Variants in ATP9B observed in about 807,000 individuals in gnomAD.
ATP9B encodes ATPase phospholipid transporting 9B.
In ATP9B, 110 loss-of-function variants were observed where a neutral mutation model predicts 146.1. The ratio of observed to expected loss-of-function variants is 0.75; its 90% CI spans 0.65 to 0.88. The LOEUF is 0.88. Ranked by LOEUF, ATP9B falls within the 40% of genes least tolerant of loss-of-function variation. ATP9B has a pLI of 0.00. For missense variants in ATP9B, 1,499 were observed against 1,496.4 expected (o/e 1.00, Z -0.03); for synonymous variants, 604 against 569.7 (o/e 1.06, Z -0.86).
chr18:79,289,226 A>C (rs2096476485), intron 13 of ATP9B, among the ~76,000 whole-genome samples: 1 of 152,086 alleles, frequency 6.6e-6, no homozygotes, highest in South Asian at 2.1e-4. Context: ...ACTTGGTTCC[A>C]TTCTCCCCGT....
chr18:79,105,303 C>G (rs980931308), intron 2 of ATP9B, among the ~76,000 whole-genome samples: 1 of 152,110 alleles, frequency 6.6e-6, no homozygotes, highest in African/African-American at 2.4e-5. Context: ...TTTGGTGGCT[C>G]AAAGAATAGA....
In ATP9B at chr18:79,359,623, ATT is replaced by A. The variant is rs1165120464; in HGVS notation, c.3012+164_3012+165del. The A allele has an allele frequency of 1.5e-5, 9 of 619,016 alleles. No individual in the cohort carries two copies. In the East Asian group the frequency reaches 2.5e-4, roughly 17 times the overall value. 38.3% of individuals were successfully genotyped at this position (619,016 alleles called of 1,614,324 possible). A position where few individuals can be genotyped will look rare whatever the true frequency, so the allele number is the denominator to read the frequency against. On this transcript the variant is annotated intron_variant, in intron 26 of 29. Transcript: ENST00000426216. ...TTTATGTCTCCTAATTGTTGTTGGC[ATT>A]TTCTCTTTGAGTTAAACTTCAAAAG...
At chr18:79,155,441 T>C (rs545201170) in intron 7 of ATP9B, among the ~76,000 whole-genome samples, 1 of 152,338 alleles carries the variant, frequency 6.6e-6, no homozygotes, top group East Asian at 1.9e-4. Flanking sequence ...CTTTGGCCCA[T>C]TTCTAGTTAT....
At chr18:79,367,809 A>T (rs536951069) in intron 26 of ATP9B, among the ~76,000 whole-genome samples, 2 of 152,350 alleles carry the variant, frequency 1.3e-5, no homozygotes, top group Admixed American at 1.3e-4. Flanking sequence ...TCAGTAGAAG[A>T]CATCAGACAA....
In ATP9B at chr18:79,336,721, C is replaced by G. The variant is rs1269578941; in HGVS notation, c.2112+10C>G. ...GTACCAGGACTTTGAGGTGAGCCGA[C>G]TCCCAGCCATCCCATCCTCCTACGA... On this transcript the variant is annotated intron_variant, in intron 18 of 29. Coordinates refer to ENST00000426216, the MANE Select transcript of ATP9B (RefSeq NM_198531.5). The G allele has an allele frequency of 6.2e-7, 1 of 1,613,518 alleles. No homozygotes were observed. Among genetic ancestry groups the G allele is most frequent in the Admixed American group, 1.7e-5 (1 of 59,996 alleles).
At chr18:79,096,380 A>G in intron 1 of ATP9B, 96 bp from the exon 2 acceptor site, 6 of 1,166,310 alleles carry the variant, frequency 5.1e-6, no homozygotes, top group South Asian at 1.5e-5. Flanking sequence ...CCTCAGCTGA[A>G]GACAGCCTAA....
rs2095179323 is a variant in ATP9B, at chr18:79,176,864, T to C, written c.830T>C (p.Leu277Pro). 1.2e-6 allele frequency: 2 copies of C among 1,614,204 alleles called. No individual in the cohort carries two copies. Among genetic ancestry groups the C allele is most frequent in the Non-Finnish European group, 1.7e-6 (2 of 1,180,022 alleles). Residue 277 changes from leucine to proline, a missense_variant, in exon 8 of 30, where the codon CTG becomes CCG. By Grantham distance (98) the Leu-to-Pro change is moderately conservative. Transcript: ENST00000426216. ...CTAGATGGTGAAACTGACTGGAAGC[T>C]GAAGGTGGCAGTGAGCTGCACGCAA... Reference protein sequence around the residue: ...DQLDGETDWKLKVAVSCTQQL... With the variant: ...DQLDGETDWKPKVAVSCTQQL...
chr18:79,332,218 A>G (rs1387495735), intron 17 of ATP9B, among the ~76,000 whole-genome samples: 1 of 152,042 alleles, frequency 6.6e-6, no homozygotes, highest in Non-Finnish European at 1.5e-5. Flanking sequence ...TCACGAGGTC[A>G]GGAGATTGAG....
intron 13 of ATP9B, among the ~76,000 whole-genome samples, chr18:79,300,270 T>C (rs1370044733): frequency 1.3e-5 from 2 of 152,152 alleles, no homozygotes; most frequent in Non-Finnish European, 2.9e-5. Flanking sequence ...GTGGTGGTGA[T>C]GATGGCTGTG....
At chr18:79,154,629 G>T (rs2094745762) in intron 7 of ATP9B, 74 bp downstream of exon 7, 6 of 988,090 alleles carry the variant, frequency 6.1e-6, no homozygotes, top group Non-Finnish European at 8.7e-6. Flanking sequence ...TCTATACAAG[G>T]AAAAACTGTT....
At chr18:79,168,837 G>A (rs2095025909) in intron 7 of ATP9B, among the ~76,000 whole-genome samples, 1 of 151,940 alleles carries the variant, frequency 6.6e-6, no homozygotes, top group African/African-American at 2.4e-5. Context: ...GTCTTTGGGA[G>A]GTATTTTCTC....
intron 1 of ATP9B, among the ~76,000 whole-genome samples, chr18:79,095,146 T>C (rs1397770241): frequency 6.6e-6 from 1 of 152,226 alleles, no homozygotes; most frequent in Non-Finnish European, 1.5e-5. Context: ...TCCTATTTTT[T>C]GTTTCTGAAG....
At chr18:79,191,258 A>T (rs8084121) in intron 8 of ATP9B, among the ~76,000 whole-genome samples, 46,603 of 150,766 alleles carry the variant, frequency 0.31, 9,212 homozygotes, top group African/African-American at 0.58. Context: ...TATTTTTGAG[A>T]TTTTTTTTAT....
intron 1 of ATP9B, among the ~76,000 whole-genome samples, chr18:79,072,021 G>T (rs1347723018): frequency 1.3e-5 from 2 of 150,870 alleles, no homozygotes; most frequent in Non-Finnish European, 2.9e-5. Flanking sequence ...GATTTCCAGT[G>T]TTAAGAAAGT....
At position 79,175,225 on chromosome 18, in the gene ATP9B, AC is replaced by A. The variant is rs989748370; in HGVS notation, c.779-1587del. Among the ~76,000 whole-genome samples the A allele has an allele frequency of 1.1e-4, 16 of 151,662 alleles. No homozygotes were observed. In the East Asian group the frequency reaches 2.1e-3, roughly 20 times the overall value. The stretch of plus-strand genomic sequence containing the variant: ...AAAAAAAAAAAAAAGAAAAAAAAAA[AC>A]ATCAAAACTTTTGAAACCTCAAAAG... On this transcript the variant is annotated intron_variant, in intron 7 of 29. Transcript: ENST00000426216.
At chr18:79,118,733 A>G (rs1318067500) in intron 4 of ATP9B, among the ~76,000 whole-genome samples, 1 of 151,864 alleles carries the variant, frequency 6.6e-6, no homozygotes, top group African/African-American at 2.4e-5. Flanking sequence ...ATTTATTTCT[A>G]GCCCCTTTTT....
At chr18:79,336,732 C>G (rs753455359) in intron 18 of ATP9B, 21 bp downstream of exon 18, 4 of 1,611,014 alleles carry the variant, frequency 2.5e-6, no homozygotes, top group Non-Finnish European at 3.4e-6. Context: ...TCCCAGCCAT[C>G]CCATCCTCCT....
intron 13 of ATP9B, among the ~76,000 whole-genome samples, chr18:79,291,668 A>C (rs2096504475): frequency 6.6e-6 from 1 of 152,218 alleles, no homozygotes; most frequent in Admixed American, 6.5e-5. Context: ...CAAACCCAAA[A>C]ACTTTATCAT....
At chr18:79,228,566 G>A (rs1255729563) in intron 11 of ATP9B, among the ~76,000 whole-genome samples, 2 of 152,172 alleles carry the variant, frequency 1.3e-5, no homozygotes, top group Non-Finnish European at 2.9e-5. Flanking sequence ...ATAATCAGAA[G>A]TGGGAAGTCA....
Sources: allele counts gnomAD v4.1 joint callset (sites outside exome capture counted in the v4.1 genomes callset), GRCh38; gene constraint gnomAD v4.1.1; transcripts MANE v1.5; gene names NCBI Gene and HGNC (gene_info 2026-07-23, HGNC 2026-07-21).